KCNAB1: variants seen among roughly 807,000 people sequenced by gnomAD.
KCNAB1 encodes voltage-gated potassium channel subunit beta-1.
A neutral mutation model predicts 64.6 loss-of-function variants in KCNAB1; 35 were observed. The ratio of observed to expected loss-of-function variants is 0.54; its 90% CI spans 0.41 to 0.72. The LOEUF (loss-of-function observed/expected upper bound fraction) is 0.72. KCNAB1 is among the 30% of genes least tolerant of loss of function. The pLI is 0.00. For synonymous variants in KCNAB1, 177 were observed against 183.8 expected (o/e 0.96, Z 0.30); for missense variants, 401 against 512.9 (o/e 0.78, Z 2.11).
chr3:156,331,056 G>C (rs1317051107), intron 1 of KCNAB1, among the ~76,000 whole-genome samples: 1 of 152,164 alleles, frequency 6.6e-6, no homozygotes, highest in Admixed American at 6.5e-5. Flanking sequence ...GTTCTTGTGG[G>C]CAGGGGATGT....
At chr3:156,243,700 A>C (rs1717298891) in intron 1 of KCNAB1, among the ~76,000 whole-genome samples, 3 of 152,222 alleles carry the variant, frequency 2.0e-5, no homozygotes. Flanking sequence ...CTTCTATTTA[A>C]GATTAGGAAT....
chr3:156,522,637 A>C (rs2108406583), intron 11 of KCNAB1, among the ~76,000 whole-genome samples: 1 of 152,324 alleles, frequency 6.6e-6, no homozygotes, highest in South Asian at 2.1e-4. Context: ...TCGGCAAAAT[A>C]ACTCAAAAAA....
chr3:156,264,811 C>A (rs1477244775), intron 1 of KCNAB1, among the ~76,000 whole-genome samples: 1 of 152,038 alleles, frequency 6.6e-6, no homozygotes, highest in African/African-American at 2.4e-5. Flanking sequence ...ACATTCCCTG[C>A]GAATCTTGTT....
intron 1 of KCNAB1, chr3:156,143,199 C>T (rs1183878028): frequency 6.2e-7 from 1 of 1,611,042 alleles, no homozygotes; most frequent in Admixed American, 1.7e-5. Context: ...ATAAACCTGC[C>T]TGTGCAGACA....
At chr3:156,314,681 G>A (rs1380336414) in intron 1 of KCNAB1, among the ~76,000 whole-genome samples, 1 of 152,220 alleles carries the variant, frequency 6.6e-6, no homozygotes, top group Non-Finnish European at 1.5e-5. Flanking sequence ...GTGCATAGGT[G>A]ACTTTAGCTC....
chr3:156,251,611 G>T (rs543290365), intron 1 of KCNAB1, among the ~76,000 whole-genome samples: 2 of 152,272 alleles, frequency 1.3e-5, no homozygotes, highest in South Asian at 2.1e-4. Flanking sequence ...CTGGGCTTGG[G>T]AGGAGGGGTA....
At chr3:156,428,990 T>C (rs1716026505) in intron 2 of KCNAB1, among the ~76,000 whole-genome samples, 1 of 152,206 alleles carries the variant, frequency 6.6e-6, no homozygotes, top group Non-Finnish European at 1.5e-5. Context: ...AGTCATAAAG[T>C]AAAATACTTC....
chr3:156,425,702 G>A (rs973660201), intron 2 of KCNAB1, among the ~76,000 whole-genome samples: 3 of 152,216 alleles, frequency 2.0e-5, no homozygotes, highest in Non-Finnish European at 4.4e-5. Flanking sequence ...ATTGGTTACA[G>A]AAGATACGAG....
At chr3:156,356,952 G>A (rs1725282997) in intron 1 of KCNAB1, among the ~76,000 whole-genome samples, 1 of 152,154 alleles carries the variant, frequency 6.6e-6, no homozygotes, top group African/African-American at 2.4e-5. Context: ...ACAGCAATAG[G>A]GAGTTCCTTG....
At chr3:156,457,334 A>G in intron 3 of KCNAB1, 119 bp from the exon 4 acceptor site, 1 of 1,523,298 alleles carries the variant, frequency 6.6e-7, no homozygotes, top group Non-Finnish European at 8.8e-7. Context: ...TAAAACTAAG[A>G]AAAATAAGGA....
chr3:156,197,571 C>T (rs958971261), intron 1 of KCNAB1, among the ~76,000 whole-genome samples: 10 of 152,132 alleles, frequency 6.6e-5, no homozygotes, highest in African/African-American at 2.4e-4. Context: ...TCAATTTCTT[C>T]TAGATTTTCT....
intron 2 of KCNAB1, among the ~76,000 whole-genome samples, chr3:156,447,874 A>G (rs540526365): frequency 6.6e-5 from 10 of 152,354 alleles, no homozygotes; most frequent in African/African-American, 2.2e-4. Context: ...AGATATTAAA[A>G]TGATCTCATC....
intron 1 of KCNAB1, among the ~76,000 whole-genome samples, chr3:156,194,305 C>A (rs1210375722): frequency 3.3e-5 from 5 of 151,816 alleles, no homozygotes; most frequent in Non-Finnish European, 7.4e-5. Flanking sequence ...TCCTTTATAG[C>A]TGAAAACTTT....
intron 1 of KCNAB1, among the ~76,000 whole-genome samples, chr3:156,284,034 G>T (rs990298817): frequency 1.3e-5 from 2 of 152,162 alleles, no homozygotes; most frequent in African/African-American, 4.8e-5. Flanking sequence ...TGGAGGAGGA[G>T]AGGTGCTCTG....
intron 1 of KCNAB1, among the ~76,000 whole-genome samples, chr3:156,224,100 AG>A (rs558715138): frequency 5.3e-4 from 81 of 152,362 alleles, no homozygotes; most frequent in Admixed American, 1.6e-3. Context: ...TGAGAAATCA[AG>A]CTCAGTGCCG....
intron 8 of KCNAB1, among the ~76,000 whole-genome samples, chr3:156,491,646 T>G (rs1393735348): frequency 3.9e-5 from 6 of 152,160 alleles, no homozygotes; most frequent in African/African-American, 1.4e-4. Context: ...ATACTATATC[T>G]GGTAAGCTAA....
intron 12 of KCNAB1, among the ~76,000 whole-genome samples, chr3:156,527,545 C>G (rs570840103): frequency 1.3e-5 from 2 of 152,254 alleles, no homozygotes; most frequent in East Asian, 3.9e-4. Flanking sequence ...AGAACACTCT[C>G]TTTCTACAGA....
intron 1 of KCNAB1, among the ~76,000 whole-genome samples, chr3:156,316,403 G>T (rs1442661321): frequency 6.6e-6 from 1 of 152,216 alleles, no homozygotes. Context: ...GAAGATCTAA[G>T]ATCAAATCTT....
chr3:156,401,227 T>G (rs1353541446), intron 1 of KCNAB1, among the ~76,000 whole-genome samples: 1 of 152,196 alleles, frequency 6.6e-6, no homozygotes, highest in Non-Finnish European at 1.5e-5. Flanking sequence ...CAGAAACAAG[T>G]GTCCTTCATT....
Sources: gnomAD v4.1 joint callset for allele counts (sites outside exome capture counted in the v4.1 genomes callset) on GRCh38, gnomAD v4.1.1 for gene constraint, MANE v1.5 for transcripts, NCBI Gene and HGNC (gene_info 2026-07-23, HGNC 2026-07-21) for gene names.